The following PDXDC1 variants were observed in gnomAD, a reference collection of about 807,000 sequenced individuals.
The protein encoded by PDXDC1 is pyridoxal dependent decarboxylase domain containing 1, also known as pyridoxal-dependent decarboxylase domain-containing protein 1.
In PDXDC1, 42 loss-of-function variants were observed where a neutral mutation model predicts 100.1. The ratio of observed to expected loss-of-function variants is 0.42; its 90% CI spans 0.33 to 0.54. PDXDC1 has a LOEUF of 0.54. Ranked by LOEUF, PDXDC1 falls within the 20% of genes least tolerant of loss-of-function variation. The pLI, the probability that PDXDC1 is intolerant of heterozygous loss-of-function variation, is 0.10. For missense variants in PDXDC1, 636 were observed against 979.2 expected, an observed-to-expected ratio of 0.65 and a Z score of 4.68; for synonymous variants, 260 against 371.7, an observed-to-expected ratio of 0.70 and a Z score of 3.46.
Position 15,079,833 on chromosome 16 carries a change from G to A in PDXDC1, c.1399+49777G>A, listed in dbSNP as rs1414701623. On this transcript the variant is annotated intron_variant, in intron 16 of 16. Coordinates refer to the PDXDC1 transcript ENST00000535621. Reference sequence around the variant, plus strand: ...GCTGGTCTCGAACTCCTGACCTCAGGTGATCTGCCTGCCTCGGCCTCCCAA... The same window carrying A: ...GCTGGTCTCGAACTCCTGACCTCAGATGATCTGCCTGCCTCGGCCTCCCAA... 3.3e-5 allele frequency among the ~76,000 whole-genome samples: 5 copies of A among 152,246 alleles called. No homozygotes were observed. The South Asian group carries it at 1.0e-3, about 32-fold the overall frequency.
At chr16:15,131,639 G>C in intron 16 of PDXDC1, 1 of 1,592,666 alleles carries the variant, frequency 6.3e-7, no homozygotes. Context: ...ATCCGCGATG[G>C]TGACTCGGCT....
At chr16:15,128,366 T>C (rs1275286974) in intron 16 of PDXDC1, 16 of 1,604,442 alleles carry the variant, frequency 1.0e-5, no homozygotes, top group Admixed American at 1.7e-5. Flanking sequence ...CCATACAGCA[T>C]GATGCCCACG....
In PDXDC1 at chr16:15,047,865, C is replaced by G. The variant is rs1202290663; in HGVS notation, c.1399+17809C>G. The G allele has an allele frequency of 3.7e-6, 6 of 1,612,560 alleles. No homozygotes were observed. In the Admixed American group the frequency reaches 8.3e-5, roughly 22 times the overall value. On this transcript the variant is annotated intron_variant, in intron 16 of 16. Transcript: ENST00000535621. ...CCTCTCTCATCATACCTGTGTGCCT[C>G]AGGACCACAATGTGACAAGTAGTGG...
At chr16:15,104,727 G>C in intron 16 of PDXDC1, 1 of 1,597,338 alleles carries the variant, frequency 6.3e-7, no homozygotes, top group South Asian at 1.1e-5. Flanking sequence ...CAATCCTGAA[G>C]AATGACGATG....
downstream of PDXDC1, among the ~76,000 whole-genome samples, chr16:15,143,182 C>A (rs1247588430): frequency 1.3e-5 from 2 of 152,282 alleles, no homozygotes; most frequent in East Asian, 3.9e-4. Flanking sequence ...TTAGGACCAT[C>A]CTAGCGTGGG....
rs550593993 is a variant in PDXDC1 at position 15,125,736 on chromosome 16, G to A, written c.1400-13143G>A. The A allele has an allele frequency of 1.2e-4, 179 of 1,486,074 alleles. 2 individuals are homozygous for A. In the East Asian group the frequency reaches 3.3e-3, roughly 27 times the overall value. The allele number at this position is 1,486,074 out of a possible 1,614,324, so 92.1% of individuals were successfully genotyped here. A position where few individuals can be genotyped will look rare whatever the true frequency, so the allele number is the denominator to read the frequency against. ...ACGTGAGGAAGGAGCTGTCCAGCAC[G>A]GACGAGTCCAGGCAGCTGTCGATGT... On this transcript the variant is annotated intron_variant, in intron 16 of 16. Coordinates refer to the PDXDC1 transcript ENST00000535621.
chr16:15,029,131 A>G, intron 15 of PDXDC1, 165 bp downstream of exon 15: 2 of 787,792 alleles, frequency 2.5e-6, no homozygotes, highest in South Asian at 3.1e-5. Context: ...TTGCGTTACC[A>G]CCTCACGAGC....
At chr16:15,094,536 G>C (rs2046282760) in intron 16 of PDXDC1, 2 of 481,008 alleles carry the variant, frequency 4.2e-6, no homozygotes, top group East Asian at 8.0e-5. Flanking sequence ...CTAAGCTGTG[G>C]CCGGGTACAC....
chr16:15,130,298 C>T (rs1215337128), intron 16 of PDXDC1: 2 of 1,539,342 alleles, frequency 1.3e-6, no homozygotes, highest in Non-Finnish European at 1.8e-6. Context: ...GGGGCGAGGT[C>T]TCCTCCAGGG....
intron 16 of PDXDC1, chr16:15,125,423 A>G: frequency 1.2e-6 from 1 of 824,602 alleles, no homozygotes. Flanking sequence ...TTCCGAGCAA[A>G]CCTGCTCCCA....
intron 1 of PDXDC1, among the ~76,000 whole-genome samples, chr16:14,977,823 A>G (rs1488489981): frequency 1.5e-4 from 23 of 152,282 alleles, no homozygotes; most frequent in Non-Finnish European, 2.5e-4. Context: ...GAGCTATGTG[A>G]GCAGTTGTAA....
intron 6 of PDXDC1, among the ~76,000 whole-genome samples, chr16:15,007,605 TG>T (rs1381061273): frequency 6.6e-6 from 1 of 152,290 alleles, no homozygotes; most frequent in Admixed American, 6.5e-5. Context: ...GTTCCTCTTT[TG>T]TAAGCTGTAG....
chr16:15,013,372 AAAG>A (rs1486424647), intron 8 of PDXDC1, among the ~76,000 whole-genome samples: 2 of 151,666 alleles, frequency 1.3e-5, no homozygotes, highest in African/African-American at 2.4e-5. Context: ...AAAAAAAAAA[AAAG>A]GCAAAAAACT....
At chr16:15,142,509 C>A (rs1364839303), downstream of PDXDC1, among the ~76,000 whole-genome samples, 1 of 151,924 alleles carries the variant, frequency 6.6e-6, no homozygotes, top group Non-Finnish European at 1.5e-5. Context: ...AGTCCCCCAG[C>A]CCCCAGGGTG....
At chr16:15,079,749 T>G (rs980815451) in intron 16 of PDXDC1, among the ~76,000 whole-genome samples, 2 of 152,174 alleles carry the variant, frequency 1.3e-5, no homozygotes, top group African/African-American at 2.4e-5. Flanking sequence ...CCCACCATCA[T>G]GCCTGGCTAA....
At chr16:15,131,671 G>A (rs2048067806) in intron 16 of PDXDC1, 1 of 1,572,076 alleles carries the variant, frequency 6.4e-7, no homozygotes, top group African/African-American at 1.4e-5. Context: ...GCGCTGTGGT[G>A]CCCGCACGTC....
At chr16:15,015,876 A>G (rs1433825201) in intron 8 of PDXDC1, 2 of 862,078 alleles carry the variant, frequency 2.3e-6, no homozygotes, top group Non-Finnish European at 3.4e-6. Context: ...GATCAAGTAG[A>G]TAGAAAATAA....
intron 16 of PDXDC1, chr16:15,123,488 C>G: frequency 1.5e-6 from 1 of 675,442 alleles, no homozygotes; most frequent in Non-Finnish European, 2.6e-6. Flanking sequence ...ATATCCTAAG[C>G]AACAAAACAT....
intron 13 of PDXDC1, chr16:15,025,901 A>G (rs1214811619): frequency 1.3e-5 from 2 of 152,428 alleles, no homozygotes; most frequent in Non-Finnish European, 2.9e-5. Context: ...TACATAATGC[A>G]GTGGATGTTT....
Sources: gnomAD v4.1 joint callset for allele counts (sites outside exome capture counted in the v4.1 genomes callset) on GRCh38, gnomAD v4.1.1 for gene constraint, MANE v1.5 for transcripts, NCBI Gene and HGNC (gene_info 2026-07-23, HGNC 2026-07-21) for gene names.